The following DGKQ variants were observed in gnomAD, a reference collection of about 807,000 sequenced individuals.
DGKQ encodes the protein diacylglycerol kinase theta.
Under a neutral mutation model 104.2 loss-of-function variants are expected in DGKQ, and 97 were observed. The ratio of observed to expected loss-of-function variants is 0.93; its 90% CI spans 0.79 to 1.10. DGKQ has a LOEUF of 1.10. Ranked by LOEUF, DGKQ falls within the 50% of genes least tolerant of loss-of-function variation. The probability of loss-of-function intolerance (pLI) is 0.00; values close to 1 mark genes in which losing one functional copy is unlikely to be tolerated. For synonymous variants in DGKQ, 736 were observed against 595.2 expected (o/e 1.24, Z -3.44); for missense variants, 1,465 against 1,352.1 (o/e 1.08, Z -1.31).
At chr4:962,408 G>A (rs760173464) in intron 18 of DGKQ, 27 bp downstream of exon 18, 3 of 1,531,832 alleles carry the variant, frequency 2.0e-6, no homozygotes, top group South Asian at 2.4e-5. Flanking sequence ...GAGCCTGGAA[G>A]GCACCCCACG....
Position 961,478 on chromosome 4 carries a change from C to A in DGKQ, c.2563G>T (p.Val855Phe). The part of the protein sequence containing the change: ...GLLEVVGVTG[V>F]VHMGQVQGGL... ...GGCCGGCGGCTCACCATGTGCACGA[C>A]GCCCGTCACGCCCACAACCTCCAGC... is the stretch of plus-strand genomic sequence containing the variant. Residue 855 changes from valine (V) to phenylalanine (F), a missense_variant, in exon 21 of 23, where the codon GTC becomes TTC. Coordinates refer to ENST00000273814, the MANE Select transcript of DGKQ (RefSeq NM_001347.4). 1 of 1,599,952 alleles carries A rather than the reference C, an allele frequency of 6.3e-7. No homozygotes were observed.
At position 967,274 on chromosome 4, in the gene DGKQ, C is replaced by CCCCCA; in HGVS notation, c.1074_1075insTGGGG (p.Ala359TrpfsTer13). The CCCCCA allele has an allele frequency of 6.4e-7, 1 of 1,550,434 alleles. No individual in the cohort carries two copies. Among genetic ancestry groups the CCCCCA allele is most frequent in the Non-Finnish European group, 8.7e-7 (1 of 1,152,378 alleles). On this transcript the variant is annotated frameshift_variant, in exon 9 of 23. Transcript: ENST00000273814. LOFTEE classifies it high-confidence loss of function. ...CTCCCAGCCTTGCCCCCAGCCCAGGCGTCACAGGCCTGAGAGGAAGGGGGC... is the reference window on the plus strand; with the variant it reads ...CTCCCAGCCTTGCCCCCAGCCCAGGCCCCCAGTCACAGGCCTGAGAGGAAGGGGGC...
chr4:965,883 C>A, intron 13 of DGKQ, 45 bp downstream of exon 13: 1 of 1,542,666 alleles, frequency 6.5e-7, no homozygotes, highest in Non-Finnish European at 8.8e-7. Flanking sequence ...TGCCGCTCGA[C>A]CCTGCCCCGT....
At position 968,386 on chromosome 4, in the gene DGKQ, G is replaced by A. The variant is rs867464161; in HGVS notation, c.559C>T (p.Arg187Trp). The stretch of plus-strand genomic sequence containing the variant: ...GCTCCCGAGGGCAGGTTCCCCTCCC[G>A]CCAGTGGTGGTGATGGGTGTCCTGC... Reference protein sequence around the residue: ...QDHDTHHHHWREGNLPSGARC... With the variant: ...QDHDTHHHHWWEGNLPSGARC... The change falls in exon 5 of 23, where the codon CGG (arginine) becomes TGG (tryptophan). Residue 187 changes from arginine (R) to tryptophan (W), a missense_variant. Coordinates refer to ENST00000273814, the MANE Select transcript of DGKQ (RefSeq NM_001347.4). 1.9e-6 allele frequency: 3 copies of A among 1,567,072 alleles called. No individual in the cohort carries two copies. The highest frequency in any genetic ancestry group is 1.4e-5 in the African/African-American group (1 of 72,216).
intron 2 of DGKQ, among the ~76,000 whole-genome samples, chr4:970,612 T>A (rs1229939768): frequency 6.6e-6 from 1 of 152,184 alleles, no homozygotes; most frequent in Non-Finnish European, 1.5e-5. Flanking sequence ...CCCCTAAGTG[T>A]GTGATCTTGC....
rs1404004786 is a variant in DGKQ, at chr4:971,116, A to G, written c.272-44T>C. 4.8e-6 allele frequency: 7 copies of G among 1,448,118 alleles called. No individual in the cohort carries two copies. The highest frequency in any genetic ancestry group is 6.6e-6 in the Non-Finnish European group (7 of 1,055,108). The allele number at this position is 1,448,118 out of a possible 1,614,324, so 89.7% of individuals were successfully genotyped here. Reference sequence around the variant, plus strand: ...TGTGAGTTGGCCCCTGTCCTACCCAATGGCTGTCCTACCCAGGAAGTTAGA... The same window carrying G: ...TGTGAGTTGGCCCCTGTCCTACCCAGTGGCTGTCCTACCCAGGAAGTTAGA... On this transcript the variant is annotated intron_variant, in intron 1 of 22. Transcript: ENST00000273814. This position sits in a 1 kb window ranked among gnomAD's most constrained non-coding sequence, Gnocchi z 4.0.
rs1711704753 is a variant in DGKQ, at chr4:959,517, GGCCCA to G, written c.*1098_*1102del. 1 of 152,358 alleles carries G rather than the reference GGCCCA, an allele frequency of 6.6e-6. No homozygotes were observed. Among genetic ancestry groups the G allele is most frequent in the East Asian group, 1.9e-4 (1 of 5,190 alleles). 9.4% of individuals were successfully genotyped at this position (152,358 alleles called of 1,614,324 possible). ...TCTTTGGCTGGGTGCACCCCAGCCT[GGCCCA>G]GATGCAGGACCCTCCACCAAGCTGT... On this transcript the variant is annotated 3_prime_UTR_variant, in exon 23 of 23. Transcript: ENST00000273814.
At position 973,430 on chromosome 4, in the gene DGKQ, G is replaced by T; in HGVS notation, c.53C>A (p.Pro18Gln). 1.0e-6 allele frequency: 1 copy of T among 990,488 alleles called. No individual in the cohort carries two copies. Among genetic ancestry groups the T allele is most frequent in the South Asian group, 4.6e-5 (1 of 21,712 alleles). The allele number at this position is 990,488 out of a possible 1,614,324, so 61.4% of individuals were successfully genotyped here. Reference sequence around the variant, plus strand: ...GCTGCAGGCCGGGCTGCCGGGGCGCGGGGAGCCGCCGCCCAGCCAGGCGCG... The same window carrying T: ...GCTGCAGGCCGGGCTGCCGGGGCGCTGGGAGCCGCCGCCCAGCCAGGCGCG... ...GARAWLGGGSPRPGSPACSPV... is the reference protein window; with the variant it reads ...GARAWLGGGSQRPGSPACSPV... The change falls in exon 1 of 23, where the codon CCG (proline) becomes CAG (glutamine). Residue 18 changes from proline to glutamine, a missense_variant. Transcript: ENST00000273814.
rs372051327 is a variant in DGKQ at position 961,542 on chromosome 4, G to C, written c.2499C>G (p.Ser833Arg). 1.9e-6 allele frequency: 3 copies of C among 1,608,956 alleles called. No homozygotes were observed. In the African/African-American group the frequency reaches 4.0e-5, roughly 22 times the overall value. Residue 833 changes from serine (S) to arginine (R), a missense_variant, in exon 21 of 23, where the codon AGC becomes AGG. Coordinates refer to ENST00000273814, the MANE Select transcript of DGKQ (RefSeq NM_001347.4). ...GSGADLWGSD[S>R]DTRFEKPRMD... ...TGCGTGGCTTCTCAAACCTGGTGTCGCTGTCGGAGCCCCACAGGTCGGCCC... is the reference window on the plus strand; with the variant it reads ...TGCGTGGCTTCTCAAACCTGGTGTCCCTGTCGGAGCCCCACAGGTCGGCCC...
chr4:966,666 C>T lies in DGKQ; in HGVS notation c.1366+82G>A, dbSNP rs1339102245. The T allele has an allele frequency of 3.8e-5, 57 of 1,517,560 alleles. No homozygotes were observed. The East Asian group carries it at 1.3e-3, about 33-fold the overall frequency. The allele number at this position is 1,517,560 out of a possible 1,614,324, so 94.0% of individuals were successfully genotyped here. A position where few individuals can be genotyped will look rare whatever the true frequency, so the allele number is the denominator to read the frequency against. ...AGAGCCCGGCCTTGATGTCCGGCAC[C>T]ACCCTGCAGGAAAGCCTGGGCAGCA... On this transcript the variant is annotated intron_variant, in intron 11 of 22. Coordinates refer to ENST00000273814, the MANE Select transcript of DGKQ (RefSeq NM_001347.4).
rs1712353038 is a variant in DGKQ at position 966,496 on chromosome 4, G to A, written c.1398C>T (p.Pro466=). 5 of 1,612,476 alleles carry A rather than the reference G, an allele frequency of 3.1e-6. No homozygotes were observed. The Admixed American group carries it at 5.0e-5, about 16-fold the overall frequency. The change falls in exon 12 of 23, where the codon CCC becomes CCT. Residue 466 remains proline (P), a synonymous_variant. Transcript: ENST00000273814. The stretch of plus-strand genomic sequence containing the variant: ...GGATGTCCTGTAGCCGGTCCAGCAG[G>A]GGCTGTTCGTCCATCAGCATCGTCC... The part of the protein sequence containing the change: ...VQRTMLMDEQ[P]LLDRLQDIRQ...
intron 15 of DGKQ, 87 bp downstream of exon 15, chr4:965,089 G>A (rs937956502): frequency 3.0e-6 from 3 of 994,854 alleles, no homozygotes; most frequent in Admixed American, 2.0e-5. Flanking sequence ...AGCGAGTCTG[G>A]CTGTGGGGCC....
At chr4:970,129 GA>G (rs1380665775) in intron 2 of DGKQ, among the ~76,000 whole-genome samples, 1 of 152,224 alleles carries the variant, frequency 6.6e-6, no homozygotes, top group Non-Finnish European at 1.5e-5. Flanking sequence ...CACACCCGGG[GA>G]ACTGCATCAT....
rs1246997092 is a variant in DGKQ at position 965,534 on chromosome 4, A to G, written c.1580-5T>C. On this transcript the variant is annotated splice_region_variant and splice_polypyrimidine_tract_variant and intron_variant, in intron 13 of 22. Coordinates refer to ENST00000273814, the MANE Select transcript of DGKQ (RefSeq NM_001347.4). ...GACTCACGGACACCACGGTGGCTGC[A>G]AAGGCAGGCTGTGGTCAGGGCGGTG... 3.7e-6 allele frequency: 6 copies of G among 1,611,652 alleles called. No homozygotes were observed. Among genetic ancestry groups the G allele is most frequent in the Non-Finnish European group, 5.1e-6 (6 of 1,179,518 alleles).
intron 13 of DGKQ, 82 bp from the exon 14 acceptor site, chr4:965,611 C>A: frequency 6.7e-7 from 1 of 1,489,028 alleles, no homozygotes; most frequent in Admixed American, 1.9e-5. Flanking sequence ...TCCGCCTGTC[C>A]AGGGGTGACA....
At position 960,351 on chromosome 4, in the gene DGKQ, C is replaced by T; in HGVS notation, c.*269G>A. 1.8e-6 allele frequency: 1 copy of T among 546,584 alleles called. No individual in the cohort carries two copies. The highest frequency in any genetic ancestry group is 2.2e-5 in the South Asian group (1 of 45,252). The allele number at this position is 546,584 out of a possible 1,614,324, so 33.9% of individuals were successfully genotyped here. A position where few individuals can be genotyped will look rare whatever the true frequency, so the allele number is the denominator to read the frequency against. On this transcript the variant is annotated 3_prime_UTR_variant, in exon 23 of 23. Transcript: ENST00000273814. The stretch of plus-strand genomic sequence containing the variant: ...CCCACAGGGCAGAGGGCTCACCATC[C>T]AGAGCCCTGCGCCCACCCGGGACAC...
rs773830699 is a variant in DGKQ, at chr4:966,069, G to C, written c.1438C>G (p.Arg480Gly). The C allele has an allele frequency of 1.9e-6, 3 of 1,599,950 alleles. No homozygotes were observed. Among genetic ancestry groups the C allele is most frequent in the Non-Finnish European group, 1.7e-6 (2 of 1,173,924 alleles). Reference sequence around the variant, plus strand: ...TAGAACCGCGTCTGGCTCACCTGCCGCACAGACATCTGCAGGGAGAGGGGC... The same window carrying C: ...TAGAACCGCGTCTGGCTCACCTGCCCCACAGACATCTGCAGGGAGAGGGGC... ...RLQDIRQMSV[R>G]QVSQTRFYVA... is the part of the protein sequence containing the mutation. The change falls in exon 13 of 23, where the codon CGG becomes GGG. Residue 480 changes from arginine to glycine, a missense_variant. Arg to Gly is a moderately radical substitution (Grantham distance 125). Coordinates refer to ENST00000273814, the MANE Select transcript of DGKQ (RefSeq NM_001347.4).
intron 10 of DGKQ, 46 bp from the exon 11 acceptor site, chr4:966,848 C>T (rs1056676351): frequency 1.3e-6 from 2 of 1,585,582 alleles, no homozygotes; most frequent in African/African-American, 2.7e-5. Flanking sequence ...GCCCCCACCA[C>T]CTCAGGACAC....
intron 6 of DGKQ, 38 bp downstream of exon 6, chr4:967,841 GC>G: frequency 2.0e-6 from 3 of 1,526,466 alleles, no homozygotes; most frequent in Non-Finnish European, 8.8e-7. Context: ...TCAGTGCGCA[GC>G]CCCCAGCCCA....
Sources: gnomAD v4.1 joint callset for allele counts (sites outside exome capture counted in the v4.1 genomes callset) on GRCh38, gnomAD v4.1.1 for gene constraint, Gnocchi (gnomAD v3.1) non-coding constraint, MANE v1.5 for transcripts, NCBI Gene and HGNC (gene_info 2026-07-23, HGNC 2026-07-21) for gene names.